Variants in RBFOX1 observed in about 807,000 individuals in gnomAD.
RBFOX1 encodes the protein RNA binding fox-1 homolog 1, also known as RNA binding protein fox-1 homolog 1.
In RBFOX1, 8 loss-of-function variants were observed where a neutral mutation model predicts 57.7. The ratio of observed to expected loss-of-function variants is 0.14; its 90% CI spans 0.08 to 0.25. The LOEUF (loss-of-function observed/expected upper bound fraction) is 0.25. Among genes scored for constraint, RBFOX1 ranks in the 10% least tolerant of loss-of-function variants. RBFOX1 has a pLI of 1.00. For synonymous variants in RBFOX1, 326 were observed against 222.4 expected, an observed-to-expected ratio of 1.47 and a Z score of -4.15; for missense variants, 611 against 548.5, an observed-to-expected ratio of 1.11 and a Z score of -1.14.
At chr16:6,938,322 G>A (rs1446115798) in intron 3 of RBFOX1, among the ~76,000 whole-genome samples, 3 of 152,154 alleles carry the variant, frequency 2.0e-5, no homozygotes, top group Non-Finnish European at 4.4e-5. Context: ...AGTAAAAATA[G>A]TAATTGAAAC....
intron 3 of RBFOX1, among the ~76,000 whole-genome samples, chr16:6,865,133 G>A (rs1358445930): frequency 6.6e-6 from 1 of 151,144 alleles, no homozygotes; most frequent in Admixed American, 6.6e-5. Context: ...CTCCCAAGTA[G>A]CTGGGATTAC....
chr16:5,723,282 T>G (rs2052003597), intron 3 of RBFOX1, among the ~76,000 whole-genome samples: 1 of 152,188 alleles, frequency 6.6e-6, no homozygotes, highest in Middle Eastern at 3.2e-3. Context: ...GTCCATTTTC[T>G]CATTCGTCTG....
At chr16:5,342,486 C>A (rs2065053415) in intron 1 of RBFOX1, among the ~76,000 whole-genome samples, 1 of 152,136 alleles carries the variant, frequency 6.6e-6, no homozygotes, top group Non-Finnish European at 1.5e-5. Flanking sequence ...TCTCCATGGA[C>A]CTTAGTAAAA....
chr16:7,321,989 A>G (rs764735336), intron 4 of RBFOX1, among the ~76,000 whole-genome samples: 12 of 152,300 alleles, frequency 7.9e-5, no homozygotes, highest in South Asian at 2.1e-4. Flanking sequence ...GGTCCCTCAC[A>G]TCTCTGTCTT....
intron 4 of RBFOX1, among the ~76,000 whole-genome samples, chr16:7,327,754 T>A (rs2096629966): frequency 1.3e-5 from 2 of 152,148 alleles, no homozygotes; most frequent in South Asian, 4.1e-4. Context: ...TCTTCCAGTG[T>A]TTCAAGAGAT....
At chr16:7,408,160 G>A (rs1348569513) in intron 4 of RBFOX1, among the ~76,000 whole-genome samples, 3 of 152,314 alleles carry the variant, frequency 2.0e-5, no homozygotes, top group African/African-American at 4.8e-5. Flanking sequence ...TTGAATTACA[G>A]TATTTGTGAC....
At chr16:6,493,262 G>C (rs2095675893) in intron 2 of RBFOX1, among the ~76,000 whole-genome samples, 1 of 152,148 alleles carries the variant, frequency 6.6e-6, no homozygotes. Context: ...TTTGGTTGAG[G>C]TTTGGGGTCA....
At chr16:7,512,711 G>A (rs1000601130) in intron 4 of RBFOX1, among the ~76,000 whole-genome samples, 1 of 152,232 alleles carries the variant, frequency 6.6e-6, no homozygotes, top group Non-Finnish European at 1.5e-5. Context: ...TGGCACCAGT[G>A]GTGCCCCCAG....
chr16:7,388,158 A>T (rs2097916119), intron 4 of RBFOX1, among the ~76,000 whole-genome samples: 1 of 152,120 alleles, frequency 6.6e-6, no homozygotes, highest in African/African-American at 2.4e-5. Flanking sequence ...CAGGAAACTG[A>T]TCTCAGATTG....
chr16:6,005,227 C>G (rs1299975043), intron 4 of RBFOX1, among the ~76,000 whole-genome samples: 1 of 152,154 alleles, frequency 6.6e-6, no homozygotes, highest in African/African-American at 2.4e-5. Context: ...AGGGGAAAAA[C>G]ACCCTGCAGC....
At chr16:7,196,714 A>T (rs1316960135) in intron 4 of RBFOX1, among the ~76,000 whole-genome samples, 2 of 152,178 alleles carry the variant, frequency 1.3e-5, no homozygotes, top group African/African-American at 4.8e-5. Flanking sequence ...GAGGGTCAGG[A>T]GTCATGCTGC....
At chr16:7,524,219 A>G (rs539208499) in intron 5 of RBFOX1, among the ~76,000 whole-genome samples, 8 of 152,348 alleles carry the variant, frequency 5.3e-5, no homozygotes, top group East Asian at 1.9e-4. Flanking sequence ...AACATCTAAT[A>G]TATGCACATG....
At chr16:6,782,404 G>T (rs1251086843) in intron 3 of RBFOX1, among the ~76,000 whole-genome samples, 1 of 152,064 alleles carries the variant, frequency 6.6e-6, no homozygotes, top group Non-Finnish European at 1.5e-5. Context: ...AATTCATCCA[G>T]TAGTTATTCA....
intron 4 of RBFOX1, among the ~76,000 whole-genome samples, chr16:7,401,338 G>A (rs1296978640): frequency 6.6e-6 from 1 of 152,120 alleles, no homozygotes; most frequent in African/African-American, 2.4e-5. Flanking sequence ...TTTCAAGGAG[G>A]TAAACTTTGT....
At chr16:5,449,848 T>A (rs1597112137) in intron 1 of RBFOX1, among the ~76,000 whole-genome samples, 2 of 152,144 alleles carry the variant, frequency 1.3e-5, no homozygotes, top group Non-Finnish European at 2.9e-5. Flanking sequence ...ATTCAAGTGA[T>A]CGTCCCACCT....
intron 2 of RBFOX1, among the ~76,000 whole-genome samples, chr16:5,539,574 C>G (rs979507681): frequency 6.6e-6 from 1 of 151,814 alleles, no homozygotes; most frequent in Non-Finnish European, 1.5e-5. Context: ...GCACCCCAGC[C>G]TGGGCAATAG....
intron 4 of RBFOX1, among the ~76,000 whole-genome samples, chr16:7,279,373 T>A (rs912012546): frequency 6.6e-6 from 1 of 152,200 alleles, no homozygotes; most frequent in Non-Finnish European, 1.5e-5. Context: ...GGTGGTCTCT[T>A]TGGGGCTTTG....
At chr16:6,724,808 T>C (rs570516908) in intron 3 of RBFOX1, among the ~76,000 whole-genome samples, 1 of 152,234 alleles carries the variant, frequency 6.6e-6, no homozygotes, top group Admixed American at 6.5e-5. Flanking sequence ...ATGTGTACCA[T>C]TGTGATTTGC....
chr16:7,046,543 G>A (rs1347491118), intron 3 of RBFOX1, among the ~76,000 whole-genome samples: 4 of 145,374 alleles, frequency 2.8e-5, no homozygotes, highest in Admixed American at 2.7e-4. Flanking sequence ...AATAAAGATG[G>A]GAGATAATAA....
Sources: allele counts gnomAD v4.1 joint callset (sites outside exome capture counted in the v4.1 genomes callset), GRCh38; gene constraint gnomAD v4.1.1; transcripts MANE v1.5; gene names NCBI Gene and HGNC (gene_info 2026-07-23, HGNC 2026-07-21).